YARS1: variants seen among roughly 807,000 people sequenced by gnomAD.
YARS1 encodes the protein tyrosyl-tRNA synthetase 1.
In YARS1, 36 loss-of-function variants were observed where a neutral mutation model predicts 62.2. The observed-to-expected ratio is 0.58, with a 90% CI of 0.44 to 0.76. The LOEUF (loss-of-function observed/expected upper bound fraction) is 0.76, where lower values mean the gene tolerates loss of function less well. Among genes scored for constraint, YARS1 ranks in the 30% least tolerant of loss-of-function variants. The pLI, the probability that YARS1 is intolerant of heterozygous loss-of-function variation, is 0.00. For synonymous variants in YARS1, 234 were observed against 244.9 expected (o/e 0.96, Z 0.42); for missense variants, 524 against 639.8 (o/e 0.82, Z 1.95).
At chr1:32,803,077 G>T (rs1258103555) in intron 4 of YARS1, among the ~76,000 whole-genome samples, 1 of 151,326 alleles carries the variant, frequency 6.6e-6, no homozygotes, top group Non-Finnish European at 1.5e-5. Flanking sequence ...CCACCTCCCG[G>T]GTTCAAGCGA....
intron 6 of YARS1, 86 bp downstream of exon 6, chr1:32,791,076 G>T: frequency 8.0e-7 from 1 of 1,246,128 alleles, no homozygotes; most frequent in Non-Finnish European, 1.2e-6. Flanking sequence ...GAGAATTCTA[G>T]TTAGCCAGGT....
rs369461999 is a variant in YARS1, at chr1:32,797,883, T to G, written c.511-40A>C. On this transcript the variant is annotated intron_variant, in intron 4 of 12. Coordinates refer to ENST00000373477, the MANE Select transcript of YARS1 (RefSeq NM_003680.4). ...ACATGAACATAAACATCTACTTTAT[T>G]TTTTTGAGACAGAGTCTCGCTCTGT... 4 of 1,581,014 alleles carry G rather than the reference T, an allele frequency of 2.5e-6. No homozygotes were observed. In the African/African-American group the frequency reaches 5.4e-5, roughly 21 times the overall value.
chr1:32,816,217 G>A (rs1638727120), intron 1 of YARS1, among the ~76,000 whole-genome samples: 1 of 151,630 alleles, frequency 6.6e-6, no homozygotes, highest in African/African-American at 2.4e-5. Context: ...AGTATGTGAA[G>A]TACATCTCTA....
chr1:32,808,208 C>G (rs1052605772), intron 3 of YARS1, among the ~76,000 whole-genome samples: 5 of 151,188 alleles, frequency 3.3e-5, no homozygotes, highest in African/African-American at 1.2e-4. Context: ...CCAGCAACCC[C>G]CACTCCCCCA....
At position 32,791,254 on chromosome 1, in the gene YARS1, A is replaced by T; in HGVS notation, c.592T>A (p.Tyr198Asn). Residue 198 changes from tyrosine (Y) to asparagine (N), a missense_variant and splice_region_variant, in exon 6 of 13, where the codon TAC (tyrosine) becomes AAC (asparagine). Physicochemically the swap from Tyr to Asn is moderately radical, Grantham distance 143. Coordinates refer to ENST00000373477, the MANE Select transcript of YARS1 (RefSeq NM_003680.4). The part of the protein sequence containing the change: ...QRKIFTFAEK[Y>N]LPALGYSKRV... ...TTTGAATAGCCAAGTGCAGGGAGGT[A>T]CTGAGAGATTAGAGAAACACACAAA... The T allele has an allele frequency of 6.2e-7, 1 of 1,613,284 alleles. No individual in the cohort carries two copies. The highest frequency in any genetic ancestry group is 8.5e-7 in the Non-Finnish European group (1 of 1,179,222).
chr1:32,799,209 G>C (rs1348729000), intron 4 of YARS1, among the ~76,000 whole-genome samples: 1 of 152,182 alleles, frequency 6.6e-6, no homozygotes, highest in Non-Finnish European at 1.5e-5. Flanking sequence ...GAAATTTTGA[G>C]TGATTCAGTC....
At chr1:32,781,526 C>G (rs966707693) in intron 9 of YARS1, 1 of 208,128 alleles carries the variant, frequency 4.8e-6, no homozygotes, top group African/African-American at 2.4e-5. Context: ...CAAGACCAGG[C>G]TGGGCAACAG....
chr1:32,801,495 T>C (rs1638291578), intron 4 of YARS1, among the ~76,000 whole-genome samples: 1 of 152,198 alleles, frequency 6.6e-6, no homozygotes, highest in Admixed American at 6.5e-5. Context: ...TTCTTGCTGG[T>C]GGAGGGTCTT....
rs116562938 is a variant in YARS1 at position 32,816,919 on chromosome 1, G to C, written c.57+269C>G. The C allele has an allele frequency of 2.4e-3, 1,425 of 590,048 alleles. 10 individuals carry two copies. The highest frequency in any genetic ancestry group is 0.018 in the African/African-American group (966 of 53,828). The allele number at this position is 590,048 out of a possible 1,614,324, so 36.6% of individuals were successfully genotyped here. On this transcript the variant is annotated intron_variant, in intron 1 of 12. Coordinates refer to ENST00000373477, the MANE Select transcript of YARS1 (RefSeq NM_003680.4). ...AAGCACCACGTCTGGCACTTAATAGGGGGGTGGAATGGGAGTCCTGGATTC... is the reference window on the plus strand; with the variant it reads ...AAGCACCACGTCTGGCACTTAATAGCGGGGTGGAATGGGAGTCCTGGATTC...
intron 9 of YARS1, chr1:32,782,046 C>G (rs1420175954): frequency 1.1e-5 from 2 of 178,970 alleles, no homozygotes; most frequent in Non-Finnish European, 2.3e-5. Context: ...CTCAAGTGAT[C>G]CGCCTGCCTC....
At chr1:32,806,937 C>G (rs1182378890) in intron 3 of YARS1, among the ~76,000 whole-genome samples, 1 of 152,062 alleles carries the variant, frequency 6.6e-6, no homozygotes, top group Non-Finnish European at 1.5e-5. Flanking sequence ...CACATGCACC[C>G]CTTGAATCTA....
At chr1:32,814,379 C>T (rs1035653450) in intron 1 of YARS1, among the ~76,000 whole-genome samples, 6 of 152,046 alleles carry the variant, frequency 3.9e-5, no homozygotes, top group African/African-American at 1.2e-4. Context: ...ACTCTTACTC[C>T]CTCCAATCCA....
intron 4 of YARS1, among the ~76,000 whole-genome samples, chr1:32,806,093 A>C (rs953767884): frequency 3.3e-5 from 5 of 152,242 alleles, no homozygotes; most frequent in Admixed American, 3.3e-4. Flanking sequence ...CAGGAGAGTG[A>C]GGAAATGGCT....
intron 5 of YARS1, 46 bp from the exon 6 acceptor site, chr1:32,791,300 C>T (rs1252215177): frequency 6.7e-7 from 1 of 1,491,894 alleles, no homozygotes; most frequent in African/African-American, 1.4e-5. Context: ...AGTCTAAGTT[C>T]CTCCTCAGTG....
intron 4 of YARS1, among the ~76,000 whole-genome samples, chr1:32,803,410 G>C (rs111454813): frequency 0.013 from 1,970 of 150,912 alleles, 44 homozygotes; most frequent in African/African-American, 0.046. Context: ...GGGATTACAG[G>C]CATGAGCCAC....
intron 4 of YARS1, among the ~76,000 whole-genome samples, chr1:32,802,801 G>C (rs866924706): frequency 6.6e-6 from 1 of 152,048 alleles, no homozygotes; most frequent in Non-Finnish European, 1.5e-5. Flanking sequence ...ATAGAGCTCA[G>C]GCAGAGTAGA....
At chr1:32,791,460 A>G (rs1653409711) in intron 5 of YARS1, among the ~76,000 whole-genome samples, 1 of 152,176 alleles carries the variant, frequency 6.6e-6, no homozygotes, top group African/African-American at 2.4e-5. Flanking sequence ...TTGTGAGGCT[A>G]TTGGACTTAT....
intron 10 of YARS1, 129 bp from the exon 11 acceptor site, chr1:32,780,407 C>T: frequency 1.9e-6 from 2 of 1,078,694 alleles, no homozygotes; most frequent in East Asian, 4.9e-5. Flanking sequence ...CTAGAGCTAA[C>T]TTTCTTTCCA....
intron 1 of YARS1, 107 bp downstream of exon 1, chr1:32,817,081 C>T: frequency 2.1e-6 from 3 of 1,414,168 alleles, no homozygotes; most frequent in Non-Finnish European, 3.0e-6. Context: ...GCTGCGCCAG[C>T]GCCGAGTCCC....
Sources: allele counts gnomAD v4.1 joint callset (sites outside exome capture counted in the v4.1 genomes callset), GRCh38; gene constraint gnomAD v4.1.1; transcripts MANE v1.5; gene names NCBI Gene and HGNC (gene_info 2026-07-23, HGNC 2026-07-21).